The following DNAH9 variants were observed in gnomAD, a reference collection of about 807,000 sequenced individuals.
The protein encoded by DNAH9 is DNAH9 variant protein.
DNAH9 carries 345 observed loss-of-function variants against 471.6 expected under a neutral mutation model. The observed-to-expected ratio is 0.73, with a 90% CI of 0.67 to 0.80. The LOEUF is 0.80. Ranked by LOEUF, DNAH9 falls within the 30% of genes least tolerant of loss-of-function variation. The probability of loss-of-function intolerance (pLI) is 0.00; values close to 1 mark genes in which losing one functional copy is unlikely to be tolerated. For missense variants in DNAH9, 5,407 were observed against 5,609.2 expected (o/e 0.96, Z 1.15); for synonymous variants, 2,093 against 2,123.6 (o/e 0.99, Z 0.40).
chr17:11,676,091 C>T (rs2074044486), intron 17 of DNAH9, among the ~76,000 whole-genome samples: 1 of 151,970 alleles, frequency 6.6e-6, no homozygotes, highest in Non-Finnish European at 1.5e-5. Flanking sequence ...CCTATAATTT[C>T]TTTAATGATT....
chr17:11,755,459 G>T (rs145570332), intron 33 of DNAH9, among the ~76,000 whole-genome samples: 1 of 152,258 alleles, frequency 6.6e-6, no homozygotes, highest in African/African-American at 2.4e-5. Flanking sequence ...ATGAACACGG[G>T]ATATTTTTCC....
At chr17:11,730,283 A>G (rs2075236083) in intron 28 of DNAH9, among the ~76,000 whole-genome samples, 1 of 152,124 alleles carries the variant, frequency 6.6e-6, no homozygotes, top group South Asian at 2.1e-4. Context: ...GAAATGGGCT[A>G]TGGTGAGAGT....
At chr17:11,682,172 A>C (rs2074144167) in intron 19 of DNAH9, among the ~76,000 whole-genome samples, 1 of 151,882 alleles carries the variant, frequency 6.6e-6, no homozygotes, top group African/African-American at 2.4e-5. Context: ...TTTATATCTT[A>C]TGTCTGTTTT....
intron 49 of DNAH9, among the ~76,000 whole-genome samples, chr17:11,838,179 G>A (rs557877140): frequency 7.4e-4 from 112 of 152,172 alleles, no homozygotes; most frequent in Admixed American, 1.6e-3. Flanking sequence ...ACATTCTACG[G>A]TAGGAAGTCA....
chr17:11,727,862 G>A lies in DNAH9; in HGVS notation c.5754G>A (p.Trp1918Ter). 6.2e-7 allele frequency: 1 copy of A among 1,614,118 alleles called. No individual in the cohort carries two copies. The highest frequency in any genetic ancestry group is 8.5e-7 in the Non-Finnish European group (1 of 1,179,996). ...IYKGLAQTGA[W>*]GCFDEFNRIS... ...AAGGCCTTGCTCAGACTGGTGCCTG[G>A]GGCTGCTTTGATGAGTTTAATCGAA... is the stretch of plus-strand genomic sequence containing the variant. Residue 1918 changes from tryptophan (W) to a stop codon, truncating the protein, a stop_gained, in exon 28 of 69, where the codon TGG (tryptophan) becomes TGA (stop). Coordinates refer to ENST00000262442, the MANE Select transcript of DNAH9 (RefSeq NM_001372.4). LOFTEE classifies it high-confidence loss of function.
intron 41 of DNAH9, among the ~76,000 whole-genome samples, chr17:11,786,333 A>G (rs554625588): frequency 6.6e-6 from 1 of 152,128 alleles, no homozygotes; most frequent in South Asian, 2.1e-4. Flanking sequence ...GACAGCGCCA[A>G]TGGTCAGGGA....
intron 22 of DNAH9, among the ~76,000 whole-genome samples, chr17:11,695,207 C>G (rs921465101): frequency 6.6e-6 from 1 of 151,996 alleles, no homozygotes; most frequent in African/African-American, 2.4e-5. Context: ...CTTTCTTAAT[C>G]CCCATCAGTA....
At chr17:11,699,054 T>G (rs137882279) in intron 22 of DNAH9, among the ~76,000 whole-genome samples, 2,242 of 152,006 alleles carry the variant, frequency 0.015, 58 homozygotes, top group African/African-American at 0.051. Flanking sequence ...TTCAAGACCA[T>G]CCTGACTAAC....
At chr17:11,710,706 G>A (rs2150786083) in intron 26 of DNAH9, among the ~76,000 whole-genome samples, 1 of 152,270 alleles carries the variant, frequency 6.6e-6, no homozygotes, top group South Asian at 2.1e-4. Flanking sequence ...GAAAATCCAT[G>A]TTTATTTTAA....
chr17:11,763,349 A>G (rs2150869599), intron 35 of DNAH9, 91 bp from the exon 36 acceptor site: 2 of 1,137,422 alleles, frequency 1.8e-6, no homozygotes, highest in Non-Finnish European at 2.6e-6. Context: ...CCATGAGTCC[A>G]CTGAAACTGA....
At chr17:11,841,293 C>A (rs1177488610) in intron 49 of DNAH9, among the ~76,000 whole-genome samples, 1 of 152,062 alleles carries the variant, frequency 6.6e-6, no homozygotes, top group South Asian at 2.1e-4. Flanking sequence ...CACAGAGCCA[C>A]GAGAAAAATG....
chr17:11,778,272 G>A (rs1597632712), intron 38 of DNAH9, among the ~76,000 whole-genome samples: 1 of 129,326 alleles, frequency 7.7e-6, no homozygotes, highest in Admixed American at 9.4e-5. Context: ...GTTGCAGTGA[G>A]CCAGCCAAAA....
chr17:11,803,561 G>T (rs1969550543), intron 43 of DNAH9, among the ~76,000 whole-genome samples: 1 of 152,188 alleles, frequency 6.6e-6, no homozygotes, highest in South Asian at 2.1e-4. Context: ...TTAGAATATT[G>T]ATCTTCTTTT....
rs1157091889 is a variant in DNAH9, at chr17:11,636,626, C to T, written c.1636-8C>T. 6 of 1,611,854 alleles carry T rather than the reference C, an allele frequency of 3.7e-6. No homozygotes were observed. Among genetic ancestry groups the T allele is most frequent in the Non-Finnish European group, 4.2e-6 (5 of 1,178,392 alleles). On this transcript the variant is annotated splice_polypyrimidine_tract_variant and splice_region_variant and intron_variant, in intron 8 of 68. Transcript: ENST00000262442. The stretch of plus-strand genomic sequence containing the variant: ...TTTTTTCCTCTTTTTCCTCCACCTT[C>T]CCTACAGCTGCTAGACATAGCAGGA...
chr17:11,616,074 C>T (rs2072735732), intron 4 of DNAH9, among the ~76,000 whole-genome samples: 1 of 152,156 alleles, frequency 6.6e-6, no homozygotes, highest in Non-Finnish European at 1.5e-5. Flanking sequence ...TATGGTGAGC[C>T]TCCGTGAAGC....
At chr17:11,843,527 T>G (rs541913920) in intron 49 of DNAH9, among the ~76,000 whole-genome samples, 2 of 152,012 alleles carry the variant, frequency 1.3e-5, no homozygotes, top group African/African-American at 4.8e-5. Context: ...TTTCTCCAAT[T>G]TACTTAAAAA....
chr17:11,872,565 T>C (rs1972311355), intron 52 of DNAH9, among the ~76,000 whole-genome samples: 1 of 152,150 alleles, frequency 6.6e-6, no homozygotes, highest in Non-Finnish European at 1.5e-5. Flanking sequence ...ACACAAAACG[T>C]TCAAGACCGG....
intron 53 of DNAH9, among the ~76,000 whole-genome samples, chr17:11,877,699 A>G (rs995938065): frequency 6.6e-6 from 1 of 152,114 alleles, no homozygotes; most frequent in African/African-American, 2.4e-5. Flanking sequence ...ACCAAGTCAA[A>G]CATTAAATAT....
intron 48 of DNAH9, 45 bp from the exon 49 acceptor site, chr17:11,834,593 C>A: frequency 6.2e-7 from 1 of 1,607,784 alleles, no homozygotes; most frequent in South Asian, 1.1e-5. Flanking sequence ...GCCCACAGTC[C>A]CTCCAGTCAC....
Sources: gnomAD v4.1 joint callset for allele counts (sites outside exome capture counted in the v4.1 genomes callset) on GRCh38, gnomAD v4.1.1 for gene constraint, MANE v1.5 for transcripts, NCBI Gene and HGNC (gene_info 2026-07-23, HGNC 2026-07-21) for gene names.